The following SGCD variants were observed in gnomAD, a reference collection of about 807,000 sequenced individuals.
SGCD encodes delta-sarcoglycan.
SGCD carries 18 observed loss-of-function variants against 36.6 expected under a neutral mutation model. The ratio of observed to expected loss-of-function variants is 0.49; its 90% CI spans 0.34 to 0.73. SGCD has a LOEUF of 0.73. Among genes scored for constraint, SGCD ranks in the 30% least tolerant of loss-of-function variants. The pLI is 0.01. For synonymous variants in SGCD, 133 were observed against 130.6 expected (o/e 1.02, Z -0.12); for missense variants, 387 against 346.7 (o/e 1.12, Z -0.92).
intron 1 of SGCD, among the ~76,000 whole-genome samples, chr5:155,943,399 T>G (rs1757373016): frequency 1.3e-5 from 2 of 152,222 alleles, no homozygotes; most frequent in South Asian, 4.1e-4. Context: ...AAGGGAAGAA[T>G]CTACCCTGGG....
the SGCD span, among the ~76,000 whole-genome samples, chr5:155,762,335 C>A: frequency 1.3e-5 from 2 of 152,136 alleles, no homozygotes; most frequent in Non-Finnish European, 2.9e-5. Flanking sequence ...GTTAATGCAT[C>A]TTATAGTCAA....
At chr5:156,615,495 C>G (rs1323775080) in intron 6 of SGCD, among the ~76,000 whole-genome samples, 1 of 151,876 alleles carries the variant, frequency 6.6e-6, no homozygotes, top group Non-Finnish European at 1.5e-5. Flanking sequence ...TTTTTTAGGA[C>G]TACATGAGAT....
At chr5:156,477,132 G>A (rs1755216809) in intron 3 of SGCD, among the ~76,000 whole-genome samples, 1 of 151,954 alleles carries the variant, frequency 6.6e-6, no homozygotes, top group Non-Finnish European at 1.5e-5. Context: ...TTCAGAGTCA[G>A]TGCTTTCTAT....
At chr5:156,041,198 A>G (rs1453655031) in intron 1 of SGCD, among the ~76,000 whole-genome samples, 1 of 152,232 alleles carries the variant, frequency 6.6e-6, no homozygotes, top group African/African-American at 2.4e-5. Flanking sequence ...CACAGGCCTC[A>G]CAGATAAGCT....
At chr5:156,755,292 G>T (rs1757294912) in intron 7 of SGCD, among the ~76,000 whole-genome samples, 1 of 152,188 alleles carries the variant, frequency 6.6e-6, no homozygotes, top group African/African-American at 2.4e-5. Context: ...GATGATGGCA[G>T]TGACACTGGT....
chr5:156,493,614 C>T (rs1040890043), intron 3 of SGCD, among the ~76,000 whole-genome samples: 1 of 152,092 alleles, frequency 6.6e-6, no homozygotes, highest in Non-Finnish European at 1.5e-5. Context: ...GGTAGGAAAG[C>T]TGTGGGTAAT....
Position 156,568,288 on chromosome 5 carries a change from G to T in SGCD, c.295-20943G>T, listed in dbSNP as rs146576055. On this transcript the variant is annotated intron_variant, in intron 4 of 8. Transcript: ENST00000337851. The stretch of plus-strand genomic sequence containing the variant: ...AGTCTCAGCTACTCAGGAGGCTGAG[G>T]CAGGAGAATCGCTTGAACCCGGGAG... 9.1e-3 allele frequency among the ~76,000 whole-genome samples: 1,385 copies of T among 152,288 alleles called. 10 individuals carry two copies. The highest frequency in any genetic ancestry group is 0.032 in the African/African-American group (1,311 of 41,566).
At chr5:156,029,340 G>A (rs897715355) in intron 1 of SGCD, among the ~76,000 whole-genome samples, 1 of 152,042 alleles carries the variant, frequency 6.6e-6, no homozygotes, top group African/African-American at 2.4e-5. Context: ...TTAATGGGAT[G>A]GAATGACACT....
intron 2 of SGCD, among the ~76,000 whole-genome samples, chr5:156,118,287 G>T (rs1466123619): frequency 1.3e-5 from 2 of 152,094 alleles, no homozygotes; most frequent in African/African-American, 4.8e-5. Context: ...GTGTCTGAAT[G>T]TGTGAATCCT....
At position 156,723,492 on chromosome 5, in the gene SGCD, G is replaced by A. The variant is rs9314063; in HGVS notation, c.576-34089G>A. Among the ~76,000 whole-genome samples, 1,115 of 152,336 alleles carry A rather than the reference G, an allele frequency of 7.3e-3. 17 individuals are homozygous for A. The highest frequency in any genetic ancestry group is 0.026 in the African/African-American group (1,070 of 41,580). The stretch of plus-strand genomic sequence containing the variant: ...CTCTCTTTGTGCAGTTAATATTCTA[G>A]TGAGGAGAATAAATGAATCCAGCAA... On this transcript the variant is annotated intron_variant, in intron 7 of 8. Transcript: ENST00000337851.
intron 3 of SGCD, among the ~76,000 whole-genome samples, chr5:156,368,102 T>C (rs990940974): frequency 6.6e-5 from 10 of 152,102 alleles, no homozygotes; most frequent in African/African-American, 1.2e-4. Context: ...TTTTTTTTCT[T>C]TTTTTCGAGA....
At chr5:156,510,713 A>G (rs533582426) in intron 4 of SGCD, among the ~76,000 whole-genome samples, 65 of 152,312 alleles carry the variant, frequency 4.3e-4, no homozygotes, top group African/African-American at 1.5e-3. Flanking sequence ...TCTAATCTAT[A>G]TTAGGAATAA....
At chr5:156,368,171 A>C (rs1770204786) in intron 3 of SGCD, among the ~76,000 whole-genome samples, 1 of 151,506 alleles carries the variant, frequency 6.6e-6, no homozygotes, top group African/African-American at 2.4e-5. Flanking sequence ...GGCTCACTGC[A>C]ACCTCTGCCT....
chr5:156,395,770 T>C (rs897720656), intron 3 of SGCD, among the ~76,000 whole-genome samples: 9 of 152,192 alleles, frequency 5.9e-5, no homozygotes, highest in African/African-American at 2.2e-4. Context: ...CACATATATA[T>C]CTGTCTGTAG....
chr5:156,489,267 C>T (rs1755836663), intron 3 of SGCD, among the ~76,000 whole-genome samples: 1 of 152,008 alleles, frequency 6.6e-6, no homozygotes, highest in Non-Finnish European at 1.5e-5. Context: ...GAAAGATAGA[C>T]TCCTATACAG....
chr5:156,130,643 T>C (rs749090129), intron 3 of SGCD, among the ~76,000 whole-genome samples: 3 of 152,210 alleles, frequency 2.0e-5, no homozygotes, highest in Admixed American at 6.5e-5. Flanking sequence ...AATAGTCTCT[T>C]GAAGAGGCTA....
the SGCD span, among the ~76,000 whole-genome samples, chr5:155,847,037 C>T: frequency 6.6e-6 from 1 of 152,108 alleles, no homozygotes; most frequent in Admixed American, 6.6e-5. Context: ...ATTCATAATA[C>T]CTTATTTGTA....
At chr5:155,875,160 T>C (rs1352030186) in intron 1 of SGCD, among the ~76,000 whole-genome samples, 1 of 151,988 alleles carries the variant, frequency 6.6e-6, no homozygotes, top group Non-Finnish European at 1.5e-5. Flanking sequence ...AAAAAGTAAA[T>C]ACGTATTGTA....
chr5:155,835,299 C>T, the SGCD span, among the ~76,000 whole-genome samples: 8 of 152,036 alleles, frequency 5.3e-5, no homozygotes, highest in Admixed American at 2.6e-4. Context: ...TGAGCCACTG[C>T]GCCCGGCCTT....
Sources: gnomAD v4.1 joint callset for allele counts (sites outside exome capture counted in the v4.1 genomes callset) on GRCh38, gnomAD v4.1.1 for gene constraint, MANE v1.5 for transcripts, NCBI Gene and HGNC (gene_info 2026-07-23, HGNC 2026-07-21) for gene names.